XKR4: variants seen among roughly 807,000 people sequenced by gnomAD.
The protein encoded by XKR4 is XK related 4.
XKR4 carries 12 observed loss-of-function variants against 53.9 expected under a neutral mutation model. The observed-to-expected ratio is 0.22, with a 90% confidence interval of 0.14 to 0.36. The LOEUF is 0.36. Ranked by LOEUF, XKR4 falls within the 10% of genes least tolerant of loss-of-function variation. The pLI, the probability that XKR4 is intolerant of heterozygous loss-of-function variation, is 1.00. For synonymous variants in XKR4, 354 were observed against 362.4 expected, an observed-to-expected ratio of 0.98 and a Z score of 0.26; for missense variants, 799 against 859.5, an observed-to-expected ratio of 0.93 and a Z score of 0.88.
chr8:55,282,133 G>T (rs1818852503), intron 1 of XKR4, among the ~76,000 whole-genome samples: 2 of 152,114 alleles, frequency 1.3e-5, no homozygotes, highest in Non-Finnish European at 2.9e-5. Context: ...ATAGAGCAGG[G>T]TATTATCCTG....
At chr8:55,326,578 C>T (rs900067549) in intron 1 of XKR4, among the ~76,000 whole-genome samples, 6 of 149,184 alleles carry the variant, frequency 4.0e-5, no homozygotes, top group African/African-American at 1.2e-4. Context: ...TCAAGTGATC[C>T]TCCCACCTCA....
At chr8:55,363,474 A>C (rs1449472297) in intron 2 of XKR4, among the ~76,000 whole-genome samples, 1 of 152,176 alleles carries the variant, frequency 6.6e-6, no homozygotes, top group Admixed American at 6.5e-5. Context: ...AATATCCGGC[A>C]AACACTGTTA....
Position 55,304,747 on chromosome 8 carries a change from G to A in XKR4, c.807-52931G>A, listed in dbSNP as rs188513025. ...TGTTGAATTGATCCTTTACCATTAT[G>A]TAATGGCCTTCTTTGTCTCTTTTGA... On this transcript the variant is annotated intron_variant, in intron 1 of 2. Coordinates refer to ENST00000327381, the MANE Select transcript of XKR4 (RefSeq NM_052898.2). Among the ~76,000 whole-genome samples the A allele has an allele frequency of 4.6e-5, 7 of 152,214 alleles. No individual in the cohort carries two copies. The East Asian group carries it at 1.4e-3, about 30-fold the overall frequency.
intron 1 of XKR4, among the ~76,000 whole-genome samples, chr8:55,167,728 G>A (rs1337509655): frequency 1.3e-5 from 2 of 152,174 alleles, no homozygotes; most frequent in African/African-American, 4.8e-5. Flanking sequence ...ACTAACAGAT[G>A]AGTGTTAGAG....
At chr8:55,258,467 A>G (rs1482286825) in intron 1 of XKR4, among the ~76,000 whole-genome samples, 1 of 152,194 alleles carries the variant, frequency 6.6e-6, no homozygotes, top group Non-Finnish European at 1.5e-5. Context: ...CTGATTGCTC[A>G]AGTCAATTAA....
chr8:55,263,769 G>A (rs1391003973), intron 1 of XKR4, among the ~76,000 whole-genome samples: 1 of 152,138 alleles, frequency 6.6e-6, no homozygotes, highest in Non-Finnish European at 1.5e-5. Flanking sequence ...GTCAACACTT[G>A]GGAATCAACG....
chr8:55,454,770 C>T, intron 2 of XKR4: 1 of 778,574 alleles, frequency 1.3e-6, no homozygotes, highest in Non-Finnish European at 2.4e-6. Context: ...CAGGTACCAG[C>T]GTCTTTGGGG....
At chr8:55,139,907 T>C (rs1222593039) in intron 1 of XKR4, among the ~76,000 whole-genome samples, 1 of 152,204 alleles carries the variant, frequency 6.6e-6, no homozygotes. Flanking sequence ...TTTACTTAAT[T>C]AAATATGTAC....
At chr8:55,478,804 G>C (rs1585597018) in intron 2 of XKR4, among the ~76,000 whole-genome samples, 1 of 152,062 alleles carries the variant, frequency 6.6e-6, no homozygotes, top group Non-Finnish European at 1.5e-5. Flanking sequence ...AGACAAAGAA[G>C]GCCATTACAT....
intron 2 of XKR4, among the ~76,000 whole-genome samples, chr8:55,503,863 G>A (rs1418026135): frequency 4.6e-5 from 7 of 151,932 alleles, no homozygotes; most frequent in Admixed American, 4.6e-4. Context: ...TTATTATGAT[G>A]AGGTAGTTTC....
intron 2 of XKR4, among the ~76,000 whole-genome samples, chr8:55,428,212 G>A (rs945854626): frequency 1.3e-5 from 2 of 152,154 alleles, no homozygotes; most frequent in Admixed American, 1.3e-4. Context: ...ACTCTGAACA[G>A]TATAGAGATT....
chr8:55,420,934 G>T (rs1369227971), intron 2 of XKR4, among the ~76,000 whole-genome samples: 1 of 152,160 alleles, frequency 6.6e-6, no homozygotes, highest in Non-Finnish European at 1.5e-5. Context: ...GTGGTTCAGT[G>T]ACTAAATCTG....
At position 55,451,313 on chromosome 8, in the gene XKR4, T is replaced by C. The variant is rs552191343; in HGVS notation, c.1007-71968T>C. ...GCAGTCAGTCTGGATGCCGCCGCCA[T>C]GGGGTTAGACAGAGTGGTGACCCTG... On this transcript the variant is annotated intron_variant, in intron 2 of 2. Coordinates refer to ENST00000327381, the MANE Select transcript of XKR4 (RefSeq NM_052898.2). 1.5e-5 allele frequency: 9 copies of C among 598,568 alleles called. No homozygotes were observed. In the East Asian group the frequency reaches 2.3e-4, roughly 15 times the overall value. The allele number at this position is 598,568 out of a possible 1,614,324, so 37.1% of individuals were successfully genotyped here.
intron 2 of XKR4, among the ~76,000 whole-genome samples, chr8:55,364,155 T>C (rs1803939485): frequency 6.6e-6 from 1 of 152,252 alleles, no homozygotes; most frequent in South Asian, 2.1e-4. Context: ...AGCAGCCGTG[T>C]GTCCATTGTC....
chr8:55,330,296 T>C (rs1216926260), intron 1 of XKR4, among the ~76,000 whole-genome samples: 86 of 152,126 alleles, frequency 5.7e-4, no homozygotes, highest in Admixed American at 5.6e-3. Context: ...GGGACTTCTC[T>C]CCAGTGACCC....
At chr8:55,250,354 C>T (rs1818347188) in intron 1 of XKR4, among the ~76,000 whole-genome samples, 1 of 152,172 alleles carries the variant, frequency 6.6e-6, no homozygotes, top group Non-Finnish European at 1.5e-5. Flanking sequence ...TAAAGAAGCC[C>T]ATAGATCCTC....
Position 55,163,757 on chromosome 8 carries a change from A to G in XKR4, c.806+60463A>G, listed in dbSNP as rs577254508. Among the ~76,000 whole-genome samples the G allele has an allele frequency of 4.6e-5, 7 of 152,308 alleles. No individual in the cohort carries two copies. In the South Asian group the frequency reaches 1.5e-3, roughly 32 times the overall value. On this transcript the variant is annotated intron_variant, in intron 1 of 2. Coordinates refer to ENST00000327381, the MANE Select transcript of XKR4 (RefSeq NM_052898.2). Reference sequence around the variant, plus strand: ...CTACTTGGGAGGCTGAGGCAGGAGAATCGGTTGAACTCAGGAGGCATAGGT... The same window carrying G: ...CTACTTGGGAGGCTGAGGCAGGAGAGTCGGTTGAACTCAGGAGGCATAGGT...
chr8:55,243,566 A>G (rs1035528918), intron 1 of XKR4, among the ~76,000 whole-genome samples: 9 of 152,214 alleles, frequency 5.9e-5, no homozygotes, highest in African/African-American at 2.2e-4. Context: ...TAAGTTTTCA[A>G]TTCATTTCGG....
chr8:55,256,023 A>G (rs1314163518), intron 1 of XKR4, among the ~76,000 whole-genome samples: 2 of 151,396 alleles, frequency 1.3e-5, no homozygotes, highest in Non-Finnish European at 2.9e-5. Context: ...CCTGGAGTAG[A>G]AAAGGGATGC....
Sources: allele counts gnomAD v4.1 joint callset (sites outside exome capture counted in the v4.1 genomes callset), GRCh38; gene constraint gnomAD v4.1.1; transcripts MANE v1.5; gene names NCBI Gene and HGNC (gene_info 2026-07-23, HGNC 2026-07-21).